Variants in CSMD1 observed in about 807,000 individuals in gnomAD.
The protein encoded by CSMD1 is CUB and Sushi multiple domains 1.
Under a neutral mutation model 417.5 loss-of-function variants are expected in CSMD1, and 213 were observed. The ratio of observed to expected loss-of-function variants is 0.51; its 90% confidence interval spans 0.46 to 0.57. The LOEUF (loss-of-function observed/expected upper bound fraction) is 0.57, where lower values mean the gene tolerates loss of function less well. Among genes scored for constraint, CSMD1 ranks in the 20% least tolerant of loss-of-function variants. The probability of loss-of-function intolerance (pLI) is 0.00; values close to 1 mark genes in which losing one functional copy is unlikely to be tolerated. For synonymous variants in CSMD1, 2,862 were observed against 1,736.8 expected (o/e 1.65, Z -16.11); for missense variants, 6,923 against 4,529.7 (o/e 1.53, Z -15.17).
chr8:2,983,146 T>C (rs1805567787), intron 54 of CSMD1, among the ~76,000 whole-genome samples: 1 of 152,160 alleles, frequency 6.6e-6, no homozygotes, highest in South Asian at 2.1e-4. Context: ...TATAATCAGT[T>C]CTTATATTAA....
At chr8:3,783,958 G>A (rs1799314890) in intron 5 of CSMD1, among the ~76,000 whole-genome samples, 1 of 152,164 alleles carries the variant, frequency 6.6e-6, no homozygotes, top group South Asian at 2.1e-4. Context: ...CCTATTACCT[G>A]CCCTTGGGCA....
intron 59 of CSMD1, among the ~76,000 whole-genome samples, chr8:2,964,149 G>A (rs906761556): frequency 6.6e-6 from 1 of 152,334 alleles, no homozygotes; most frequent in African/African-American, 2.4e-5. Context: ...ATGAATGGAA[G>A]TTTCCAAGTG....
Position 4,994,441 on chromosome 8 carries a change from C to T in CSMD1, c.-25G>A. 3 of 1,597,324 alleles carry T rather than the reference C, an allele frequency of 1.9e-6. No homozygotes were observed. Among genetic ancestry groups the T allele is most frequent in the African/African-American group, 1.3e-5 (1 of 74,774 alleles). ...TGTCTGCAGATACTCCACACGCACGCGACACCGATGGCTCCTCCGAGGAAG... is the reference window on the plus strand; with the variant it reads ...TGTCTGCAGATACTCCACACGCACGTGACACCGATGGCTCCTCCGAGGAAG... On this transcript the variant is annotated 5_prime_UTR_variant, in exon 1 of 70. Coordinates refer to ENST00000635120, the MANE Select transcript of CSMD1 (RefSeq NM_033225.6).
At chr8:4,202,910 A>T (rs1296245374) in intron 3 of CSMD1, among the ~76,000 whole-genome samples, 2 of 152,174 alleles carry the variant, frequency 1.3e-5, no homozygotes, top group Non-Finnish European at 2.9e-5. Flanking sequence ...CTGTGTGGAC[A>T]CCTGGAGTGA....
intron 3 of CSMD1, among the ~76,000 whole-genome samples, chr8:4,390,417 T>G (rs964122638): frequency 6.6e-6 from 1 of 152,102 alleles, no homozygotes; most frequent in African/African-American, 2.4e-5. Context: ...AAACATCGTA[T>G]AGAGATATGA....
chr8:3,200,516 C>G lies in CSMD1; in HGVS notation c.5099-707G>C, dbSNP rs60815664. The stretch of plus-strand genomic sequence containing the variant: ...GTTGCAGTGAGCCGAGATGGTGCCA[C>G]TGCACTCTAGCCTGGGCAAGAGAGT... On this transcript the variant is annotated intron_variant, in intron 32 of 69. Coordinates refer to ENST00000635120, the MANE Select transcript of CSMD1 (RefSeq NM_033225.6). Among the ~76,000 whole-genome samples the G allele has an allele frequency of 7.3e-3, 1,104 of 151,840 alleles. 16 individuals are homozygous for G. Among genetic ancestry groups the G allele is most frequent in the African/African-American group, 0.025 (1,037 of 41,422 alleles).
intron 2 of CSMD1, among the ~76,000 whole-genome samples, chr8:4,621,707 T>C (rs953249146): frequency 6.6e-6 from 1 of 152,076 alleles, no homozygotes; most frequent in South Asian, 2.1e-4. Flanking sequence ...TACAGTGAAA[T>C]CTTAAAAAGG....
intron 1 of CSMD1, among the ~76,000 whole-genome samples, chr8:4,979,566 T>C (rs1810761797): frequency 6.6e-6 from 1 of 152,180 alleles, no homozygotes; most frequent in Admixed American, 6.5e-5. Flanking sequence ...TTTTTTGAAA[T>C]CATTTTTTCC....
intron 3 of CSMD1, among the ~76,000 whole-genome samples, chr8:4,082,503 T>C (rs1175365265): frequency 6.6e-6 from 1 of 152,038 alleles, no homozygotes; most frequent in African/African-American, 2.4e-5. Context: ...ACAAAGTCTG[T>C]CAAAGACCTA....
intron 51 of CSMD1, among the ~76,000 whole-genome samples, chr8:3,023,901 G>A (rs1334053483): frequency 6.7e-6 from 1 of 150,332 alleles, no homozygotes; most frequent in East Asian, 2.0e-4. Flanking sequence ...CTGCACCAAT[G>A]ACTCGGGTGA....
chr8:4,924,072 T>G (rs567310591), intron 1 of CSMD1, among the ~76,000 whole-genome samples: 4 of 152,180 alleles, frequency 2.6e-5, no homozygotes, highest in Admixed American at 2.6e-4. Context: ...AGAAAAGTGA[T>G]GAACAAGACA....
At chr8:4,991,425 C>T (rs1270597874) in intron 1 of CSMD1, among the ~76,000 whole-genome samples, 1 of 152,234 alleles carries the variant, frequency 6.6e-6, no homozygotes, top group Non-Finnish European at 1.5e-5. Context: ...CCCACAGTAA[C>T]GGGTTCCAGT....
chr8:4,486,068 A>G (rs1801361814), intron 2 of CSMD1, among the ~76,000 whole-genome samples: 4 of 149,898 alleles, frequency 2.7e-5, no homozygotes, highest in Admixed American at 1.3e-4. Context: ...AAGTATTAAA[A>G]TTAAATTTCT....
intron 3 of CSMD1, among the ~76,000 whole-genome samples, chr8:4,299,208 A>G (rs1049619743): frequency 6.6e-6 from 1 of 152,204 alleles, no homozygotes; most frequent in South Asian, 2.1e-4. Flanking sequence ...TACTTTTGCC[A>G]GGTAATGTAA....
intron 1 of CSMD1, among the ~76,000 whole-genome samples, chr8:4,881,634 T>TA (rs1289323945): frequency 2.0e-5 from 3 of 151,328 alleles, no homozygotes; most frequent in Non-Finnish European, 4.4e-5. Flanking sequence ...AATTTGGAAA[T>TA]AAAAAACTAT....
At chr8:4,867,860 C>T (rs1372619587) in intron 1 of CSMD1, among the ~76,000 whole-genome samples, 1 of 152,056 alleles carries the variant, frequency 6.6e-6, no homozygotes, top group African/African-American at 2.4e-5. Context: ...TATTTTATAT[C>T]ATTACAGTAT....
chr8:3,909,259 G>A (rs568854789), intron 5 of CSMD1, among the ~76,000 whole-genome samples: 2 of 152,256 alleles, frequency 1.3e-5, no homozygotes, highest in East Asian at 3.9e-4. Flanking sequence ...AGACCCAAAA[G>A]GTGTCAGTGT....
chr8:4,402,803 TTTTTTTTTTTTTTTTTTC>T (rs1275611632), intron 3 of CSMD1, among the ~76,000 whole-genome samples: 11 of 40,358 alleles, frequency 2.7e-4, no homozygotes, highest in Admixed American at 6.1e-4. Flanking sequence ...CTTTTTTCTT[TTTTTTTTTTTTTTTTTTC>T]TTTTTTTTTT....
At chr8:3,259,371 C>T (rs1399201916) in intron 26 of CSMD1, among the ~76,000 whole-genome samples, 2 of 152,270 alleles carry the variant, frequency 1.3e-5, no homozygotes, top group African/African-American at 2.4e-5. Context: ...TAGCTCTCAG[C>T]ATGGAGGCTG....
Sources: gnomAD v4.1 joint callset for allele counts (sites outside exome capture counted in the v4.1 genomes callset) on GRCh38, gnomAD v4.1.1 for gene constraint, MANE v1.5 for transcripts, NCBI Gene and HGNC (gene_info 2026-07-23, HGNC 2026-07-21) for gene names.